Variants in LRRC28 observed in about 807,000 individuals in gnomAD.
LRRC28 encodes the protein leucine rich repeat containing 28.
LRRC28 carries 39 observed loss-of-function variants against 45.7 expected under a neutral mutation model. That is an observed-to-expected ratio of 0.85 (90% CI 0.66 to 1.12). The LOEUF (loss-of-function observed/expected upper bound fraction) is 1.12, where lower values mean the gene tolerates loss of function less well. LRRC28 is among the 50% of genes most tolerant of loss of function. The probability of loss-of-function intolerance (pLI) is 0.00; values close to 1 mark genes in which losing one functional copy is unlikely to be tolerated. For missense variants in LRRC28, 435 were observed against 438.5 expected (o/e 0.99, Z 0.07); for synonymous variants, 206 against 178.8 (o/e 1.15, Z -1.22).
rs1957880846 is a variant in LRRC28, at chr15:99,383,170, G to C, written c.1032-2860G>C. Among the ~76,000 whole-genome samples, 3 of 152,134 alleles carry C rather than the reference G, an allele frequency of 2.0e-5. No homozygotes were observed. The South Asian group carries it at 6.2e-4, about 32-fold the overall frequency. On this transcript the variant is annotated intron_variant, in intron 9 of 9. Coordinates refer to ENST00000301981, the MANE Select transcript of LRRC28 (RefSeq NM_144598.5). ...CTAGGCTTATCTACTTTCTGTCTCT[G>C]TAGATTTTCCTGTCTCTGGCCTTTG...
intron 9 of LRRC28, among the ~76,000 whole-genome samples, chr15:99,379,703 C>G (rs1391476837): frequency 6.6e-6 from 1 of 152,226 alleles, no homozygotes; most frequent in Non-Finnish European, 1.5e-5. Context: ...CCTCTACACA[C>G]TGCTTTAAAT....
chr15:99,316,550 A>G (rs1955600507), intron 5 of LRRC28, among the ~76,000 whole-genome samples: 3 of 152,172 alleles, frequency 2.0e-5, no homozygotes, highest in African/African-American at 7.2e-5. Context: ...TTCATTCCAT[A>G]TTTTATGAGG....
intron 2 of LRRC28, among the ~76,000 whole-genome samples, chr15:99,266,600 A>G (rs562954436): frequency 1.3e-5 from 2 of 152,346 alleles, no homozygotes; most frequent in South Asian, 4.1e-4. Flanking sequence ...GGCCATATCT[A>G]GCAAAACTAC....
chr15:99,309,134 G>A (rs923806412), intron 5 of LRRC28, among the ~76,000 whole-genome samples: 10 of 152,178 alleles, frequency 6.6e-5, no homozygotes. Context: ...GCTGCCATGA[G>A]TAAATATACT....
chr15:99,283,082 G>A (rs372568086), intron 3 of LRRC28, among the ~76,000 whole-genome samples: 19 of 151,940 alleles, frequency 1.3e-4, no homozygotes, highest in African/African-American at 4.6e-4. Flanking sequence ...TAGTAGAGAC[G>A]AGGTTTCTCC....
intron 7 of LRRC28, chr15:99,353,701 C>G (rs1410688353): frequency 6.6e-6 from 1 of 152,130 alleles, no homozygotes; most frequent in African/African-American, 2.4e-5. Context: ...GTACATAGAA[C>G]GATGCCAGCA....
intron 5 of LRRC28, among the ~76,000 whole-genome samples, chr15:99,329,164 T>C (rs908542517): frequency 6.6e-6 from 1 of 152,206 alleles, no homozygotes; most frequent in African/African-American, 2.4e-5. Flanking sequence ...AACGCTGAGA[T>C]AAATTAAGTG....
intron 2 of LRRC28, chr15:99,258,344 G>C (rs1035965034): frequency 1.0e-5 from 14 of 1,403,250 alleles, no homozygotes; most frequent in Non-Finnish European, 1.4e-5. Flanking sequence ...AAACACTCTA[G>C]GACGGGGAAC....
chr15:99,379,179 G>C (rs1957739113), intron 9 of LRRC28, among the ~76,000 whole-genome samples: 1 of 151,958 alleles, frequency 6.6e-6, no homozygotes, highest in African/African-American at 2.4e-5. Context: ...GACTTTTTTT[G>C]GTTGGTAGGC....
At chr15:99,352,008 G>T (rs925505147) in intron 6 of LRRC28, among the ~76,000 whole-genome samples, 1 of 152,206 alleles carries the variant, frequency 6.6e-6, no homozygotes, top group Non-Finnish European at 1.5e-5. Context: ...ACAGGCCAGG[G>T]TGATTAGACC....
intron 9 of LRRC28, among the ~76,000 whole-genome samples, chr15:99,369,208 G>A (rs1206722590): frequency 1.4e-4 from 21 of 151,782 alleles, no homozygotes; most frequent in Admixed American, 1.4e-3. Flanking sequence ...CCTTTCTTTT[G>A]TGAGCCCTCA....
At chr15:99,287,122 T>C in intron 3 of LRRC28, 135 bp from the exon 4 acceptor site, 1 of 615,002 alleles carries the variant, frequency 1.6e-6, no homozygotes, top group South Asian at 2.2e-5. Context: ...TTATTGTATG[T>C]TGATGCATTA....
chr15:99,342,255 C>G (rs537597263), intron 6 of LRRC28, among the ~76,000 whole-genome samples: 1 of 152,322 alleles, frequency 6.6e-6, no homozygotes, highest in South Asian at 2.1e-4. Context: ...TGGGCAAGAA[C>G]CAGCTCTCTC....
intron 6 of LRRC28, among the ~76,000 whole-genome samples, chr15:99,346,360 G>A (rs916684506): frequency 1.3e-5 from 2 of 152,190 alleles, no homozygotes; most frequent in African/African-American, 2.4e-5. Context: ...TGTAGAGACA[G>A]TATCTTGCTG....
At chr15:99,272,220 A>G (rs1485781113) in intron 2 of LRRC28, among the ~76,000 whole-genome samples, 1 of 152,200 alleles carries the variant, frequency 6.6e-6, no homozygotes, top group Non-Finnish European at 1.5e-5. Context: ...GTGGCTTGTA[A>G]CAGCACACAT....
At chr15:99,275,432 C>T (rs1424524049) in intron 2 of LRRC28, among the ~76,000 whole-genome samples, 2 of 152,252 alleles carry the variant, frequency 1.3e-5, no homozygotes, top group Admixed American at 6.5e-5. Flanking sequence ...TGAGCTCCAG[C>T]TTCCCCTGTT....
intron 3 of LRRC28, 59 bp downstream of exon 3, chr15:99,276,675 G>C: frequency 7.7e-7 from 1 of 1,293,732 alleles, no homozygotes; most frequent in Non-Finnish European, 1.0e-6. Flanking sequence ...TAAGTTGTTT[G>C]AAATAATAGG....
At chr15:99,273,526 C>T (rs765732468) in intron 2 of LRRC28, among the ~76,000 whole-genome samples, 1 of 151,110 alleles carries the variant, frequency 6.6e-6, no homozygotes, top group Non-Finnish European at 1.5e-5. Flanking sequence ...CGTGAGCCAC[C>T]GTGCCCGGCC....
At position 99,293,612 on chromosome 15, in the gene LRRC28, A is replaced by C. The variant is rs1381367170; in HGVS notation, c.385+5661A>C. ...CTGTCACAAAAAAAAAAAAAAAAAA[A>C]AAAAAAAAAAAAAAAAAAAAACCTA... On this transcript the variant is annotated intron_variant, in intron 5 of 9. Coordinates refer to ENST00000301981, the MANE Select transcript of LRRC28 (RefSeq NM_144598.5). Among the ~76,000 whole-genome samples the C allele has an allele frequency of 1.4e-3, 200 of 140,132 alleles. 4 individuals carry two copies. Among genetic ancestry groups the C allele is most frequent in the African/African-American group, 5.1e-3 (191 of 37,248 alleles). 91.9% of individuals were successfully genotyped at this position (140,132 alleles called of 152,430 possible).
Sources: gnomAD v4.1 joint callset for allele counts (sites outside exome capture counted in the v4.1 genomes callset) on GRCh38, gnomAD v4.1.1 for gene constraint, MANE v1.5 for transcripts, NCBI Gene and HGNC (gene_info 2026-07-23, HGNC 2026-07-21) for gene names.